Variants in FERMT2 observed in about 807,000 individuals in gnomAD.
FERMT2 encodes the protein fermitin family homolog 2.
In FERMT2, 15 loss-of-function variants were observed where a neutral mutation model predicts 82.7. That is an observed-to-expected ratio of 0.18 (90% confidence interval 0.12 to 0.28). The LOEUF (loss-of-function observed/expected upper bound fraction) is 0.28, where lower values mean the gene tolerates loss of function less well. Ranked by LOEUF, FERMT2 falls within the 10% of genes least tolerant of loss-of-function variation. The probability of loss-of-function intolerance (pLI) is 1.00; values close to 1 mark genes in which losing one functional copy is unlikely to be tolerated. For synonymous variants in FERMT2, 274 were observed against 271.5 expected (o/e 1.01, Z -0.09); for missense variants, 645 against 809.4 (o/e 0.80, Z 2.46).
chr14:52,892,639 A>T (rs1016690922), intron 4 of FERMT2, among the ~76,000 whole-genome samples: 4 of 150,822 alleles, frequency 2.7e-5, no homozygotes, highest in Non-Finnish European at 5.9e-5. Context: ...TGGTATTTTT[A>T]GTAGAGACAG....
chr14:52,889,745 T>C (rs1321134970), intron 4 of FERMT2, among the ~76,000 whole-genome samples: 2 of 152,350 alleles, frequency 1.3e-5, no homozygotes, highest in African/African-American at 4.8e-5. Context: ...CTGTACAGCA[T>C]GTTACTGTAC....
chr14:52,935,190 A>T (rs760491718), intron 2 of FERMT2, among the ~76,000 whole-genome samples: 25 of 151,580 alleles, frequency 1.6e-4, no homozygotes, highest in African/African-American at 5.3e-4. Flanking sequence ...ATGTCATATT[A>T]AAAAAAAAGT....
chr14:52,935,867 T>A (rs1437122034), intron 2 of FERMT2, among the ~76,000 whole-genome samples: 1 of 152,226 alleles, frequency 6.6e-6, no homozygotes, highest in Non-Finnish European at 1.5e-5. Flanking sequence ...TCAATTTCAA[T>A]CTATTATCCG....
intron 3 of FERMT2, among the ~76,000 whole-genome samples, chr14:52,894,380 C>T (rs930765726): frequency 4.6e-5 from 7 of 152,100 alleles, no homozygotes; most frequent in Non-Finnish European, 4.4e-5. Flanking sequence ...AATGAGATGC[C>T]AGTCAAAATT....
chr14:52,944,948 T>C (rs189155010), intron 2 of FERMT2, among the ~76,000 whole-genome samples: 2 of 152,194 alleles, frequency 1.3e-5, no homozygotes, highest in East Asian at 1.9e-4. Flanking sequence ...TGCCCAGGAA[T>C]GGAGTGCTGG....
Position 52,928,174 on chromosome 14 carries a change from G to C in FERMT2, c.158-8818C>G, listed in dbSNP as rs1889389827. ...AGGAAAGAAATGCAAAATTTGTTTA[G>C]TATTCTCACACGTCCATAAACTAGA... On this transcript the variant is annotated intron_variant, in intron 2 of 14. Transcript: ENST00000341590. 5.8e-5 allele frequency: 14 copies of C among 242,048 alleles called. No individual in the cohort carries two copies. The South Asian group carries it at 6.7e-4, about 12-fold the overall frequency. The allele number at this position is 242,048 out of a possible 1,614,324, so 15.0% of individuals were successfully genotyped here.
chr14:52,872,732 T>C, intron 10 of FERMT2, 67 bp downstream of exon 10: 1 of 1,537,000 alleles, frequency 6.5e-7, no homozygotes, highest in Non-Finnish European at 8.8e-7. Flanking sequence ...TCCCAGCAAG[T>C]GGCTCATTGA....
At chr14:52,869,625 T>A (rs1432524934) in intron 10 of FERMT2, among the ~76,000 whole-genome samples, 1 of 152,202 alleles carries the variant, frequency 6.6e-6, no homozygotes, top group Non-Finnish European at 1.5e-5. Context: ...CATGTACAAT[T>A]ATAAGTAGTA....
intron 13 of FERMT2, 105 bp downstream of exon 13, chr14:52,860,236 T>A: frequency 1.2e-6 from 1 of 829,252 alleles, no homozygotes; most frequent in Non-Finnish European, 1.9e-6. Flanking sequence ...TATGAGTTAA[T>A]GGGTCTACAT....
chr14:52,918,640 C>T (rs1356387766), intron 3 of FERMT2, among the ~76,000 whole-genome samples: 1 of 152,148 alleles, frequency 6.6e-6, no homozygotes, highest in East Asian at 1.9e-4. Context: ...GCCAAAGTAA[C>T]CCACATCTCA....
At chr14:52,901,150 G>A (rs1184809326) in intron 3 of FERMT2, among the ~76,000 whole-genome samples, 6 of 149,410 alleles carry the variant, frequency 4.0e-5, no homozygotes, top group East Asian at 3.9e-4. Context: ...GCGTTGTGGC[G>A]GGCGCCTGTA....
chr14:52,881,113 T>A lies in FERMT2; in HGVS notation c.778A>T (p.Met260Leu), dbSNP rs1886268521. ...QGWLDSSRSL[M>L]EQDVKENEAL... Reference sequence around the variant, plus strand: ...TCATTTTCCTTCACATCTTGTTCCATGAGAGATCTTGAGGAATCAAGCCAT... The same window carrying A: ...TCATTTTCCTTCACATCTTGTTCCAAGAGAGATCTTGAGGAATCAAGCCAT... The change falls in exon 6 of 15, where the codon ATG (methionine) becomes TTG (leucine). Residue 260 changes from methionine to leucine, a missense_variant. Physicochemically the swap from Met to Leu is conservative, Grantham distance 15 (BLOSUM62 2). Transcript: ENST00000341590. 3.1e-6 allele frequency: 5 copies of A among 1,613,308 alleles called. No homozygotes were observed. In the African/African-American group the frequency reaches 5.3e-5, roughly 17 times the overall value.
intron 2 of FERMT2, among the ~76,000 whole-genome samples, chr14:52,944,639 C>T (rs1890243725): frequency 6.6e-6 from 1 of 152,202 alleles, no homozygotes; most frequent in Non-Finnish European, 1.5e-5. Flanking sequence ...AGAGGAAAAA[C>T]TAGCTATTTT....
At chr14:52,950,079 A>T (rs533590122) in intron 2 of FERMT2, among the ~76,000 whole-genome samples, 1 of 152,240 alleles carries the variant, frequency 6.6e-6, no homozygotes, top group African/African-American at 2.4e-5. Context: ...CCCTCCCAAC[A>T]CACTTTCCTC....
intron 3 of FERMT2, among the ~76,000 whole-genome samples, chr14:52,905,701 G>C (rs1009487832): frequency 4.6e-5 from 7 of 152,232 alleles, no homozygotes; most frequent in African/African-American, 1.7e-4. Flanking sequence ...ACCTGGGATG[G>C]AAGAGCCTTT....
chr14:52,949,682 A>T (rs1890528235), intron 2 of FERMT2, among the ~76,000 whole-genome samples: 1 of 152,220 alleles, frequency 6.6e-6, no homozygotes, highest in Non-Finnish European at 1.5e-5. Context: ...ATTATTTTAA[A>T]TCGGATATCA....
intron 12 of FERMT2, 166 bp from the exon 13 acceptor site, chr14:52,860,631 T>G: frequency 1.6e-6 from 1 of 623,168 alleles, no homozygotes; most frequent in South Asian, 2.3e-5. Flanking sequence ...AATAATGTAA[T>G]GTATAAGGAT....
At chr14:52,879,821 T>C (rs1218080097) in intron 6 of FERMT2, among the ~76,000 whole-genome samples, 2 of 152,148 alleles carry the variant, frequency 1.3e-5, no homozygotes, top group Non-Finnish European at 2.9e-5. Flanking sequence ...TGCCAAGTGT[T>C]TTCTACGGGG....
intron 4 of FERMT2, among the ~76,000 whole-genome samples, chr14:52,886,487 C>T (rs372115073): frequency 4.6e-5 from 7 of 152,072 alleles, no homozygotes; most frequent in African/African-American, 7.2e-5. Flanking sequence ...TACACCACAA[C>T]GCCCAGCTCT....
Sources: gnomAD v4.1 joint callset for allele counts (sites outside exome capture counted in the v4.1 genomes callset) on GRCh38, gnomAD v4.1.1 for gene constraint, MANE v1.5 for transcripts, NCBI Gene and HGNC (gene_info 2026-07-23, HGNC 2026-07-21) for gene names.